The following PTPRQ variants were observed in gnomAD, a reference collection of about 807,000 sequenced individuals.
The protein encoded by PTPRQ is phosphatidylinositol phosphatase PTPRQ.
Under a neutral mutation model 246.0 loss-of-function variants are expected in PTPRQ, and 199 were observed. That is an observed-to-expected ratio of 0.81 (90% CI 0.72 to 0.91). The LOEUF (loss-of-function observed/expected upper bound fraction) is 0.91. Ranked by LOEUF, PTPRQ falls within the 40% of genes least tolerant of loss-of-function variation. The pLI, the probability that PTPRQ is intolerant of heterozygous loss-of-function variation, is 0.00. For missense variants in PTPRQ, 2,624 were observed against 2,528.4 expected (o/e 1.04, Z -0.81); for synonymous variants, 869 against 853.2 (o/e 1.02, Z -0.32).
intron 20 of PTPRQ, among the ~76,000 whole-genome samples, chr12:80,541,250 A>G (rs1246520108): frequency 6.6e-6 from 1 of 152,078 alleles, no homozygotes. Flanking sequence ...CAGTATACAT[A>G]CACATATTAT....
intron 3 of PTPRQ, among the ~76,000 whole-genome samples, chr12:80,450,395 G>A (rs1391989186): frequency 6.6e-6 from 1 of 152,052 alleles, no homozygotes; most frequent in Non-Finnish European, 1.5e-5. Context: ...ATTGCCCTGG[G>A]CAGAACTTCC....
chr12:80,453,433 A>G (rs1038213881), intron 3 of PTPRQ, among the ~76,000 whole-genome samples: 1 of 151,918 alleles, frequency 6.6e-6, no homozygotes. Flanking sequence ...TTGGAGGAGG[A>G]GAGCTGCTCT....
At chr12:80,642,383 T>C (rs1041190195) in intron 35 of PTPRQ, among the ~76,000 whole-genome samples, 3 of 152,200 alleles carry the variant, frequency 2.0e-5, no homozygotes, top group African/African-American at 7.2e-5. Flanking sequence ...CTACAAATTC[T>C]ACCCTGTTGC....
rs1899585765 is a variant in PTPRQ, at chr12:80,634,932, C to G, written c.5787-13C>G. On this transcript the variant is annotated splice_polypyrimidine_tract_variant and intron_variant, in intron 34 of 44. Transcript: ENST00000644991. ...TGAAACTCCCTTCTTGGACTTTACT[C>G]CGCTTGTTTTAGAATTCGACAGAAG... 3 of 1,548,950 alleles carry G rather than the reference C, an allele frequency of 1.9e-6. No homozygotes were observed.
chr12:80,484,607 T>C lies in PTPRQ; in HGVS notation c.1359+2T>C, dbSNP rs377572771. ...ACTTTGCTCACTGGAAATAATGAGGTATTGCATTTTTATTTCACTTATTGG... is the reference window on the plus strand; with the variant it reads ...ACTTTGCTCACTGGAAATAATGAGGCATTGCATTTTTATTTCACTTATTGG... On this transcript the variant is annotated splice_donor_variant, in intron 9 of 44. Coordinates refer to ENST00000644991, the MANE Select transcript of PTPRQ (RefSeq NM_001145026.2). LOFTEE classifies it high-confidence loss of function. 8.6e-5 allele frequency: 133 copies of C among 1,548,832 alleles called. No individual in the cohort carries two copies. In the African/African-American group the frequency reaches 1.7e-3, roughly 19 times the overall value.
intron 17 of PTPRQ, chr12:80,512,882 T>C (rs571117615): frequency 2.0e-5 from 3 of 152,200 alleles, no homozygotes; most frequent in African/African-American, 7.2e-5. Context: ...ATCCGTGATA[T>C]TGAAACAGAA....
chr12:80,495,321 C>T lies in PTPRQ; in HGVS notation c.1832C>T (p.Thr611Ile), dbSNP rs780646915. 1.3e-6 allele frequency: 2 copies of T among 1,541,094 alleles called. No individual in the cohort carries two copies. The highest frequency in any genetic ancestry group is 1.7e-6 in the Non-Finnish European group (2 of 1,143,988). ...HYTIYAMELD[T>I]NRAFQITTID... Reference sequence around the variant, plus strand: ...ACGATTTATGCAATGGAATTGGATACAAACAGAGCATTCCAGATAACTACC... The same window carrying T: ...ACGATTTATGCAATGGAATTGGATATAAACAGAGCATTCCAGATAACTACC... Residue 611 changes from threonine (T) to isoleucine (I), a missense_variant, in exon 12 of 45, where the codon ACA becomes ATA. Thr to Ile is a moderately conservative substitution (Grantham distance 89). Transcript: ENST00000644991.
intron 25 of PTPRQ, among the ~76,000 whole-genome samples, chr12:80,583,399 T>C (rs1179720931): frequency 6.6e-6 from 1 of 152,178 alleles, no homozygotes; most frequent in Non-Finnish European, 1.5e-5. Flanking sequence ...CTTTTATATA[T>C]AATGTTGGGG....
chr12:80,594,550 A>G (rs1032809638), intron 26 of PTPRQ, among the ~76,000 whole-genome samples: 15 of 152,096 alleles, frequency 9.9e-5, no homozygotes, highest in Non-Finnish European at 2.1e-4. Flanking sequence ...TATTGGTATA[A>G]CCACTTAGGT....
At chr12:80,449,878 T>C (rs1201822668) in intron 3 of PTPRQ, among the ~76,000 whole-genome samples, 3 of 152,102 alleles carry the variant, frequency 2.0e-5, no homozygotes, top group African/African-American at 7.2e-5. Context: ...TGGTTCCATA[T>C]GAACTTTAAA....
intron 19 of PTPRQ, among the ~76,000 whole-genome samples, chr12:80,538,946 T>A (rs533823043): frequency 5.9e-5 from 9 of 152,282 alleles, no homozygotes; most frequent in African/African-American, 1.9e-4. Context: ...AATGCAGGTC[T>A]ATAGGACTTA....
chr12:80,614,232 A>G (rs185067642), intron 29 of PTPRQ, among the ~76,000 whole-genome samples: 1 of 151,020 alleles, frequency 6.6e-6, no homozygotes, highest in East Asian at 2.0e-4. Context: ...TACCTGTTTA[A>G]AATTCTCATG....
At chr12:80,520,887 G>T (rs1454624558) in intron 17 of PTPRQ, among the ~76,000 whole-genome samples, 3 of 151,880 alleles carry the variant, frequency 2.0e-5, no homozygotes, top group Non-Finnish European at 4.4e-5. Flanking sequence ...GTAATGGGAT[G>T]GCTGGGTCAA....
chr12:80,636,366 C>G (rs914231037), intron 35 of PTPRQ, among the ~76,000 whole-genome samples: 1 of 152,002 alleles, frequency 6.6e-6, no homozygotes, highest in Non-Finnish European at 1.5e-5. Context: ...TAAGTAAAAC[C>G]ATATCATAGG....
chr12:80,505,425 T>C (rs1178262568), intron 14 of PTPRQ, among the ~76,000 whole-genome samples: 1 of 151,946 alleles, frequency 6.6e-6, no homozygotes, highest in African/African-American at 2.4e-5. Context: ...TTACCGGAAT[T>C]AGAATCTTGT....
At chr12:80,473,055 A>ACACACACGCGCGCG (rs1555185255) in intron 8 of PTPRQ, among the ~76,000 whole-genome samples, 6 of 150,444 alleles carry the variant, frequency 4.0e-5, no homozygotes, top group African/African-American at 1.2e-4. Flanking sequence ...ACGCACACAC[A>ACACACACGCGCGCG]CACACACACA....
chr12:80,598,143 A>G (rs1217705668), intron 26 of PTPRQ, among the ~76,000 whole-genome samples: 1 of 151,982 alleles, frequency 6.6e-6, no homozygotes, highest in African/African-American at 2.4e-5. Context: ...CATTCTTAGT[A>G]TTCATGAATC....
Position 80,636,482 on chromosome 12 carries a change from T to C in PTPRQ, c.5915+1409T>C, listed in dbSNP as rs565915012. On this transcript the variant is annotated intron_variant, in intron 35 of 44. Transcript: ENST00000644991. ...TTTCCCCTATGGGCCAAATGAATTT[T>C]AGTGGTATCCTCCTAGCCTCCTTCC... 2.0e-5 allele frequency among the ~76,000 whole-genome samples: 3 copies of C among 152,320 alleles called. No homozygotes were observed. In the South Asian group the frequency reaches 6.2e-4, roughly 32 times the overall value.
At chr12:80,622,452 A>G (rs954004280) in intron 33 of PTPRQ, among the ~76,000 whole-genome samples, 8 of 151,948 alleles carry the variant, frequency 5.3e-5, no homozygotes, top group Admixed American at 1.3e-4. Context: ...CCATAACAGG[A>G]TGGTAGTGGT....
Sources: allele counts gnomAD v4.1 joint callset (sites outside exome capture counted in the v4.1 genomes callset), GRCh38; gene constraint gnomAD v4.1.1; transcripts MANE v1.5; gene names NCBI Gene and HGNC (gene_info 2026-07-23, HGNC 2026-07-21).